The following SLC2A9 variants were observed in gnomAD, a reference collection of about 807,000 sequenced individuals.
The protein encoded by SLC2A9 is solute carrier family 2, facilitated glucose transporter member 9.
A neutral mutation model predicts 50.6 loss-of-function variants in SLC2A9; 39 were observed. That is an observed-to-expected ratio of 0.77 (90% confidence interval 0.60 to 1.01). The LOEUF (loss-of-function observed/expected upper bound fraction) is 1.01. Ranked by LOEUF, SLC2A9 falls within the 50% of genes least tolerant of loss-of-function variation. The pLI, the probability that SLC2A9 is intolerant of heterozygous loss-of-function variation, is 0.00. For synonymous variants in SLC2A9, 324 were observed against 276.9 expected (o/e 1.17, Z -1.69); for missense variants, 686 against 677.6 (o/e 1.01, Z -0.14).
downstream of SLC2A9, among the ~76,000 whole-genome samples, chr4:9,778,125 TC>T (rs1717827100): frequency 6.8e-6 from 1 of 147,754 alleles, no homozygotes; most frequent in South Asian, 2.3e-4. Flanking sequence ...TCTCCCCGCC[TC>T]CCCCGAGTCT....
In SLC2A9 at chr4:9,989,607, C is replaced by A. The variant is rs78009136; in HGVS notation, c.411-3814G>T. Among the ~76,000 whole-genome samples the A allele has an allele frequency of 6.9e-3, 1,048 of 152,088 alleles. 8 individuals are homozygous for A. The highest frequency in any genetic ancestry group is 0.024 in the African/African-American group (1,006 of 41,480). On this transcript the variant is annotated intron_variant, in intron 3 of 11. Transcript: ENST00000264784. Reference sequence around the variant, plus strand: ...TGCAAACCATGTCCTCTCTCACCTGCGCTATTGCAAGGTTCTCCCAACCAG... The same window carrying A: ...TGCAAACCATGTCCTCTCTCACCTGAGCTATTGCAAGGTTCTCCCAACCAG...
intron 10 of SLC2A9, among the ~76,000 whole-genome samples, chr4:9,884,886 G>A (rs1194012096): frequency 6.6e-6 from 1 of 152,144 alleles, no homozygotes; most frequent in East Asian, 1.9e-4. Context: ...GGATGGAGCT[G>A]GAAGCCATTA....
intron 10 of SLC2A9, among the ~76,000 whole-genome samples, chr4:9,841,293 T>C (rs1728047852): frequency 6.6e-6 from 1 of 152,226 alleles, no homozygotes; most frequent in African/African-American, 2.4e-5. Context: ...CCCTTTCCTA[T>C]TGGCCATCTC....
intron 3 of SLC2A9, among the ~76,000 whole-genome samples, chr4:9,820,592 A>G (rs1359897282): frequency 6.6e-6 from 1 of 152,208 alleles, no homozygotes; most frequent in Non-Finnish European, 1.5e-5. Context: ...CTTTCCATTT[A>G]TTCGTTCTTT....
At chr4:10,034,400 G>A (rs573734872) in intron 1 of SLC2A9, 1 of 152,438 alleles carries the variant, frequency 6.6e-6, no homozygotes, top group South Asian at 2.1e-4. Flanking sequence ...GAGCAGCATG[G>A]AATCAGTTTC....
chr4:9,991,574 T>C (rs1757723959), intron 3 of SLC2A9, among the ~76,000 whole-genome samples: 1 of 151,894 alleles, frequency 6.6e-6, no homozygotes, highest in Non-Finnish European at 1.5e-5. Flanking sequence ...AAGAGAGAGA[T>C]TTGGATTTTT....
intron 10 of SLC2A9, among the ~76,000 whole-genome samples, chr4:9,882,271 G>A (rs1374636611): frequency 6.6e-6 from 1 of 152,038 alleles, no homozygotes; most frequent in East Asian, 1.9e-4. Context: ...TCAATTCTCT[G>A]TGTAGGCCAT....
chr4:9,929,413 T>A (rs1290622790), intron 6 of SLC2A9, among the ~76,000 whole-genome samples: 2 of 152,198 alleles, frequency 1.3e-5, no homozygotes, highest in Non-Finnish European at 2.9e-5. Context: ...TCCAGAACTG[T>A]CCCACAGGGG....
intron 6 of SLC2A9, among the ~76,000 whole-genome samples, chr4:9,934,071 T>G (rs1202312018): frequency 6.6e-6 from 1 of 152,154 alleles, no homozygotes; most frequent in Admixed American, 6.5e-5. Flanking sequence ...CCTAATTCCT[T>G]CATCATGTAA....
chr4:9,868,015 C>G (rs193133179), intron 10 of SLC2A9, among the ~76,000 whole-genome samples: 1 of 152,330 alleles, frequency 6.6e-6, no homozygotes, highest in East Asian at 1.9e-4. Flanking sequence ...GGCAATTCTG[C>G]CCATGCTGAC....
At chr4:9,907,627 T>C (rs572201417) in intron 8 of SLC2A9, among the ~76,000 whole-genome samples, 35 of 152,332 alleles carry the variant, frequency 2.3e-4, no homozygotes, top group South Asian at 8.3e-4. Context: ...TGGTAAGAGA[T>C]TGGAGATTCA....
chr4:9,882,727 A>AG (rs1735455268), intron 10 of SLC2A9, among the ~76,000 whole-genome samples: 2 of 151,680 alleles, frequency 1.3e-5, no homozygotes, highest in Non-Finnish European at 2.9e-5. Flanking sequence ...AAAAAAAAAA[A>AG]AGGATTAGTT....
intron 10 of SLC2A9, among the ~76,000 whole-genome samples, chr4:9,884,087 T>C (rs1735729955): frequency 6.6e-6 from 1 of 152,234 alleles, no homozygotes; most frequent in Non-Finnish European, 1.5e-5. Context: ...CCTGGGACAC[T>C]AGCCATGGGT....
intron 11 of SLC2A9, among the ~76,000 whole-genome samples, chr4:9,829,279 C>T (rs1173898780): frequency 6.6e-6 from 1 of 152,084 alleles, no homozygotes; most frequent in African/African-American, 2.4e-5. Flanking sequence ...TGGCAGTCGC[C>T]TGTTATCCCA....
At chr4:10,018,868 C>T (rs1763105428) in intron 2 of SLC2A9, 107 bp downstream of exon 2, 14 of 1,112,704 alleles carry the variant, frequency 1.3e-5, no homozygotes, top group East Asian at 2.6e-5. Context: ...CGCGGTGTCC[C>T]GCGCCGCGAG....
chr4:9,832,074 T>C (rs981367324), intron 11 of SLC2A9, among the ~76,000 whole-genome samples: 6 of 152,220 alleles, frequency 3.9e-5, no homozygotes, highest in Admixed American at 3.9e-4. Flanking sequence ...TGAAGCTCCC[T>C]AGTCTGTGCT....
chr4:9,926,636 C>T (rs1744954408), intron 6 of SLC2A9, among the ~76,000 whole-genome samples: 1 of 151,932 alleles, frequency 6.6e-6, no homozygotes, highest in Non-Finnish European at 1.5e-5. Context: ...GTACAAAATG[C>T]TATAACCTTC....
At chr4:9,953,658 T>G (rs770505490) in intron 5 of SLC2A9, among the ~76,000 whole-genome samples, 13 of 152,240 alleles carry the variant, frequency 8.5e-5, no homozygotes, top group Non-Finnish European at 1.3e-4. Flanking sequence ...GGTCTCACTC[T>G]GTTACCCAGG....
intron 5 of SLC2A9, 28 bp downstream of exon 5, chr4:9,980,564 A>T (rs1446627378): frequency 2.5e-6 from 4 of 1,613,882 alleles, no homozygotes; most frequent in African/African-American, 1.3e-5. Context: ...ATGAGAGCAG[A>T]TGCGGTTGAC....
Sources: gnomAD v4.1 joint callset for allele counts (sites outside exome capture counted in the v4.1 genomes callset) on GRCh38, gnomAD v4.1.1 for gene constraint, MANE v1.5 for transcripts, NCBI Gene and HGNC (gene_info 2026-07-23, HGNC 2026-07-21) for gene names.